The following NCAM2 variants were observed in gnomAD, a reference collection of about 807,000 sequenced individuals.
The protein encoded by NCAM2 is neural cell adhesion molecule 2, also known as N-CAM-2.
Under a neutral mutation model 98.1 loss-of-function variants are expected in NCAM2, and 30 were observed. That is an observed-to-expected ratio of 0.31 (90% CI 0.23 to 0.41). The LOEUF is 0.41. Among genes scored for constraint, NCAM2 ranks in the 10% least tolerant of loss-of-function variants. NCAM2 has a pLI of 1.00. For synonymous variants in NCAM2, 368 were observed against 342.4 expected, an observed-to-expected ratio of 1.07 and a Z score of -0.83; for missense variants, 867 against 1,005.8, an observed-to-expected ratio of 0.86 and a Z score of 1.87.
Position 21,335,615 on chromosome 21 carries a change from C to T in NCAM2, c.848C>T (p.Ala283Val), listed in dbSNP as rs765417019. The T allele has an allele frequency of 1.9e-6, 3 of 1,610,402 alleles. No homozygotes were observed. The highest frequency in any genetic ancestry group is 4.5e-5 in the East Asian group (2 of 44,502). ...GATGGTGGTCCTTATGTCTGCAGGG[C>T]CACAAATAAGGCAGGAGAAGATGAA... ...NSDGGPYVCR[A>V]TNKAGEDEKQ... Residue 283 changes from alanine to valine, a missense_variant, in exon 7 of 18, where the codon GCC (alanine) becomes GTC (valine). Physicochemically the swap from Ala to Val is moderately conservative, Grantham distance 64 (BLOSUM62 0). Around this residue, in one of 5 missense-constraint regions of NCAM2, gnomAD observed 447 missense variants for 495.7 expected, o/e 0.90. Coordinates refer to ENST00000400546, the MANE Select transcript of NCAM2 (RefSeq NM_004540.5).
intron 9 of NCAM2, among the ~76,000 whole-genome samples, chr21:21,383,430 C>T (rs1453082242): frequency 1.3e-5 from 2 of 152,128 alleles, no homozygotes; most frequent in Non-Finnish European, 1.5e-5. Context: ...CTCTGTCCTT[C>T]TGGACAAGTT....
At chr21:21,518,477 G>T (rs974237797) in intron 16 of NCAM2, among the ~76,000 whole-genome samples, 4 of 151,852 alleles carry the variant, frequency 2.6e-5, no homozygotes, top group Non-Finnish European at 5.9e-5. Context: ...TGCTTTCTTC[G>T]TCATTGCCTT....
chr21:21,406,909 T>C (rs1480709463), intron 9 of NCAM2, among the ~76,000 whole-genome samples: 1 of 152,154 alleles, frequency 6.6e-6, no homozygotes, highest in East Asian at 1.9e-4. Context: ...TTTTCTTTCA[T>C]ATATATGTGA....
intron 5 of NCAM2, among the ~76,000 whole-genome samples, 196 bp downstream of exon 5, chr21:21,292,437 A>G (rs1021739795): frequency 9.9e-5 from 15 of 151,892 alleles, no homozygotes; most frequent in Non-Finnish European, 5.9e-5. Context: ...GACTTATGTT[A>G]CATTGTCATT....
At chr21:21,003,959 G>A (rs985104452) in intron 1 of NCAM2, among the ~76,000 whole-genome samples, 6 of 152,118 alleles carry the variant, frequency 3.9e-5, no homozygotes, top group African/African-American at 1.4e-4. Flanking sequence ...GAGGAATGAT[G>A]CGCTTTTTTT....
chr21:21,025,370 C>T (rs1342070965), intron 1 of NCAM2, among the ~76,000 whole-genome samples: 1 of 152,216 alleles, frequency 6.6e-6, no homozygotes, highest in African/African-American at 2.4e-5. Context: ...CAGGCGAGAG[C>T]CACTGCGCCC....
At chr21:21,159,290 T>TAAGA (rs1333578496) in intron 1 of NCAM2, among the ~76,000 whole-genome samples, 1 of 152,034 alleles carries the variant, frequency 6.6e-6, no homozygotes, top group African/African-American at 2.4e-5. Flanking sequence ...AGCTATTATT[T>TAAGA]AAGAAAGAAA....
intron 16 of NCAM2, among the ~76,000 whole-genome samples, chr21:21,531,948 A>G (rs944126184): frequency 1.8e-3 from 269 of 151,540 alleles, no homozygotes; most frequent in Non-Finnish European, 2.9e-3. Context: ...AGCCGAGATC[A>G]CGCCACTGCA....
chr21:21,527,889 C>T (rs1393210174), intron 16 of NCAM2, among the ~76,000 whole-genome samples: 1 of 152,166 alleles, frequency 6.6e-6, no homozygotes, highest in East Asian at 1.9e-4. Context: ...ACACCAAAAC[C>T]GCACACTGAT....
At chr21:21,457,437 C>T (rs1022711797) in intron 12 of NCAM2, among the ~76,000 whole-genome samples, 7 of 152,032 alleles carry the variant, frequency 4.6e-5, no homozygotes, top group African/African-American at 7.2e-5. Flanking sequence ...GTCCGGAGTT[C>T]GAGACCAGCC....
At chr21:21,024,613 A>G (rs1485903194) in intron 1 of NCAM2, among the ~76,000 whole-genome samples, 2 of 152,250 alleles carry the variant, frequency 1.3e-5, no homozygotes, top group African/African-American at 4.8e-5. Flanking sequence ...GCGGTGGCTC[A>G]TGCCTGTAAT....
intron 6 of NCAM2, among the ~76,000 whole-genome samples, chr21:21,334,016 G>A (rs373391813): frequency 6.6e-6 from 1 of 151,924 alleles, no homozygotes. Context: ...GAGTGTAGTG[G>A]TGTGATCTCA....
chr21:21,245,265 A>G (rs370254275), intron 1 of NCAM2, among the ~76,000 whole-genome samples: 1 of 152,266 alleles, frequency 6.6e-6, no homozygotes, highest in East Asian at 1.9e-4. Flanking sequence ...TACACTCGCC[A>G]TTTCCATGCG....
intron 1 of NCAM2, among the ~76,000 whole-genome samples, chr21:21,275,479 AAAAAAT>A (rs2072695275): frequency 6.6e-6 from 1 of 151,690 alleles, no homozygotes; most frequent in Non-Finnish European, 1.5e-5. Flanking sequence ...AAAGAAAAAT[AAAAAAT>A]AAAAATAAAT....
At chr21:21,088,970 CA>C (rs202042269) in intron 1 of NCAM2, among the ~76,000 whole-genome samples, 90 of 138,678 alleles carry the variant, frequency 6.5e-4, no homozygotes, top group Admixed American at 7.3e-4. Flanking sequence ...AACTCTGTCT[CA>C]AAAAAAAAAA....
Position 21,172,294 on chromosome 21 carries a change from A to C in NCAM2, c.56-108284A>C, listed in dbSNP as rs78395452. 7.9e-5 allele frequency among the ~76,000 whole-genome samples: 12 copies of C among 152,236 alleles called. No homozygotes were observed. In the East Asian group the frequency reaches 2.3e-3, roughly 29 times the overall value. On this transcript the variant is annotated intron_variant, in intron 1 of 17. Transcript: ENST00000400546. ...GCACTAGTACCACCCTTATTTAAGA[A>C]TATTATAATATTTGTAAGATTTTAC...
chr21:21,142,501 C>G (rs898416803), intron 1 of NCAM2, among the ~76,000 whole-genome samples: 1 of 150,948 alleles, frequency 6.6e-6, no homozygotes, highest in African/African-American at 2.4e-5. Flanking sequence ...GCCTCAGACT[C>G]CGGAGTAGCT....
chr21:21,385,700 T>G, intron 9 of NCAM2: 1 of 1,270,414 alleles, frequency 7.9e-7, no homozygotes, highest in Non-Finnish European at 1.0e-6. Context: ...TTCCAATTTC[T>G]AAAACAAAGG....
chr21:21,382,591 C>T (rs2076179814), intron 9 of NCAM2, among the ~76,000 whole-genome samples: 1 of 151,528 alleles, frequency 6.6e-6, no homozygotes, highest in Admixed American at 6.6e-5. Context: ...TCTCCGCTCA[C>T]CGCAACCTTC....
Sources: gnomAD v4.1 joint callset for allele counts (sites outside exome capture counted in the v4.1 genomes callset) on GRCh38, gnomAD v4.1.1 for gene constraint, gnomAD v4.1.1 regional missense constraint, MANE v1.5 for transcripts, NCBI Gene and HGNC (gene_info 2026-07-23, HGNC 2026-07-21) for gene names.